AGBL5: variants seen among roughly 807,000 people sequenced by gnomAD.
The protein encoded by AGBL5 is cytosolic carboxypeptidase-like protein 5.
A neutral mutation model predicts 88.0 loss-of-function variants in AGBL5; 51 were observed. The observed-to-expected ratio is 0.58, with a 90% CI of 0.46 to 0.73. The LOEUF is 0.73. AGBL5 is among the 30% of genes least tolerant of loss of function. AGBL5 has a pLI of 0.00. For synonymous variants in AGBL5, 446 were observed against 438.8 expected, an observed-to-expected ratio of 1.02 and a Z score of -0.21; for missense variants, 1,031 against 1,162.2, an observed-to-expected ratio of 0.89 and a Z score of 1.64.
chr2:27,069,718 G>C lies in AGBL5; in HGVS notation c.2489+12G>C. ...TCTGCTACACCAGGGTGAGCACTTG[G>C]GTCCAGTCCCTCACACCACCCCTCA... On this transcript the variant is annotated intron_variant, in intron 14 of 14. Coordinates refer to ENST00000360131, the MANE Select transcript of AGBL5 (RefSeq NM_021831.6). The C allele has an allele frequency of 1.2e-6, 2 of 1,606,970 alleles. No individual in the cohort carries two copies. Among genetic ancestry groups the C allele is most frequent in the African/African-American group, 1.3e-5 (1 of 74,830 alleles).
intron 11 of AGBL5, among the ~76,000 whole-genome samples, chr2:27,065,751 G>A (rs1207025705): frequency 6.6e-6 from 1 of 152,188 alleles, no homozygotes; most frequent in African/African-American, 2.4e-5. Flanking sequence ...TAAGCTTCAA[G>A]TAAGAGAGGT....
chr2:27,052,799 C>T, intron 1 of AGBL5, 114 bp from the exon 2 acceptor site: 1 of 563,570 alleles, frequency 1.8e-6, no homozygotes, highest in Non-Finnish European at 2.9e-6. Context: ...GGGAGACAGC[C>T]TTTTGTTTCA....
At chr2:27,066,890 C>T (rs908065586) in intron 11 of AGBL5, among the ~76,000 whole-genome samples, 1 of 152,108 alleles carries the variant, frequency 6.6e-6, no homozygotes, top group African/African-American at 2.4e-5. Flanking sequence ...TGAGACCACC[C>T]TGACCAACAT....
Position 27,053,358 on chromosome 2 carries a change from A to G in AGBL5, c.216-44A>G. 6.3e-7 allele frequency: 1 copy of G among 1,598,860 alleles called. No homozygotes were observed. Among genetic ancestry groups the G allele is most frequent in the Non-Finnish European group, 8.5e-7 (1 of 1,171,146 alleles). On this transcript the variant is annotated intron_variant, in intron 2 of 14. Coordinates refer to ENST00000360131, the MANE Select transcript of AGBL5 (RefSeq NM_021831.6). The surrounding 1 kb of genome is among the most constrained non-coding windows in gnomAD (Gnocchi z 4.9). ...CGGCTCTCCCACAGACCATATCTCC[A>G]ACCCTTCCACACGTAATGACCTCTC...
chr2:27,059,609 G>A, intron 11 of AGBL5: 1 of 1,232,918 alleles, frequency 8.1e-7, no homozygotes, highest in Non-Finnish European at 1.1e-6. Context: ...GGCCAGAGGG[G>A]GAAGTCTGGG....
At chr2:27,056,849 A>G in intron 8 of AGBL5, 57 bp downstream of exon 8, 6 of 1,526,876 alleles carry the variant, frequency 3.9e-6, no homozygotes, top group Non-Finnish European at 5.3e-6. Context: ...AAAACACCGT[A>G]GCTGGGTGTG....
At position 27,054,621 on chromosome 2, in the gene AGBL5, T is replaced by C. The variant is rs541594007; in HGVS notation, c.552-9T>C. The C allele has an allele frequency of 3.1e-6, 5 of 1,608,036 alleles. No homozygotes were observed. In the Admixed American group the frequency reaches 5.1e-5, roughly 16 times the overall value. ...GACTTCTCCTGGCTTAATTTTTTTT[T>C]CCCTGTAGCCCCCTGGATACCATCT... On this transcript the variant is annotated splice_polypyrimidine_tract_variant and intron_variant, in intron 4 of 14. Coordinates refer to ENST00000360131, the MANE Select transcript of AGBL5 (RefSeq NM_021831.6).
chr2:27,051,202 T>C (rs542333604), upstream of AGBL5, among the ~76,000 whole-genome samples: 17 of 152,274 alleles, frequency 1.1e-4, no homozygotes, highest in South Asian at 1.9e-3. Context: ...GGGAAAGAAC[T>C]AAGCAGCAGG....
chr2:27,069,469 T>A, intron 13 of AGBL5, 104 bp from the exon 14 acceptor site: 1 of 1,538,808 alleles, frequency 6.5e-7, no homozygotes, highest in Non-Finnish European at 8.8e-7. Context: ...CCTCTACTGA[T>A]CCCTATACTA....
chr2:27,067,007 C>T (rs1044774345), intron 11 of AGBL5, among the ~76,000 whole-genome samples: 69 of 151,562 alleles, frequency 4.6e-4, no homozygotes, highest in African/African-American at 1.5e-3. Flanking sequence ...CGCTTGAACC[C>T]GGGAGGCGGA....
intron 9 of AGBL5, 55 bp downstream of exon 9, chr2:27,057,493 C>T: frequency 1.3e-6 from 2 of 1,534,986 alleles, no homozygotes; most frequent in Non-Finnish European, 1.8e-6. Context: ...TCTGGAAAGG[C>T]CTTCACTCTT....
intron 10 of AGBL5, 21 bp from the exon 11 acceptor site, chr2:27,059,169 C>G (rs1394063404): frequency 1.9e-6 from 3 of 1,608,108 alleles, no homozygotes; most frequent in African/African-American, 2.7e-5. Flanking sequence ...CCCGGGTTAA[C>G]TGGCATCTGC....
At position 27,053,136 on chromosome 2, in the gene AGBL5, C is replaced by T; in HGVS notation, c.178C>T (p.Pro60Ser). The T allele has an allele frequency of 6.2e-7, 1 of 1,608,072 alleles. No individual in the cohort carries two copies. Among genetic ancestry groups the T allele is most frequent in the South Asian group, 1.1e-5 (1 of 90,376 alleles). Residue 60 changes from proline to serine, a missense_variant, in exon 2 of 15, where the codon CCA (proline) becomes TCA (serine). Physicochemically the swap from Pro to Ser is moderately conservative, Grantham distance 74. This residue lies in a region of AGBL5 where 540 missense variants were observed against 678.2 expected (regional missense o/e 0.80). Coordinates refer to ENST00000360131, the MANE Select transcript of AGBL5 (RefSeq NM_021831.6). The surrounding 1 kb of genome is among the most constrained non-coding windows in gnomAD (Gnocchi z 4.9). ...PDYEFNVWTR[P>S]DCAETEFENG... The stretch of plus-strand genomic sequence containing the variant: ...CTATGAATTCAACGTGTGGACCCGA[C>T]CAGACTGTGCTGAAACGGAATTTGA...
chr2:27,053,330 C>T lies in AGBL5; in HGVS notation c.216-72C>T, dbSNP rs1668268487. 1.9e-6 allele frequency: 3 copies of T among 1,561,494 alleles called. No homozygotes were observed. Among genetic ancestry groups the T allele is most frequent in the South Asian group, 2.4e-5 (2 of 81,958 alleles). Reference sequence around the variant, plus strand: ...AATAGCCCTTTCCCAGTTTGGCTGGCTCCGGCTCTCCCACAGACCATATCT... The same window carrying T: ...AATAGCCCTTTCCCAGTTTGGCTGGTTCCGGCTCTCCCACAGACCATATCT... On this transcript the variant is annotated intron_variant, in intron 2 of 14. Transcript: ENST00000360131. This position sits in a 1 kb window ranked among gnomAD's most constrained non-coding sequence, Gnocchi z 4.9.
rs1668259449 is a variant in AGBL5 at position 27,053,141 on chromosome 2, C to T, written c.183C>T (p.Asp61=). 6.2e-6 allele frequency: 10 copies of T among 1,607,518 alleles called. No homozygotes were observed. The highest frequency in any genetic ancestry group is 8.5e-6 in the Non-Finnish European group (10 of 1,175,904). The change falls in exon 2 of 15, where the codon GAC becomes GAT. Residue 61 remains aspartate, a synonymous_variant. Transcript: ENST00000360131. This position sits in a 1 kb window ranked among gnomAD's most constrained non-coding sequence, Gnocchi z 4.9. ...AATTCAACGTGTGGACCCGACCAGA[C>T]TGTGCTGAAACGGAATTTGAGAATG... The part of the protein sequence containing the change: ...DYEFNVWTRP[D]CAETEFENGN...
intron 8 of AGBL5, 102 bp from the exon 9 acceptor site, chr2:27,057,201 T>A: frequency 1.5e-6 from 2 of 1,349,414 alleles, no homozygotes; most frequent in Non-Finnish European, 2.0e-6. Flanking sequence ...TGTGTTCACT[T>A]TTTTCCAAGT....
In AGBL5 at chr2:27,053,756, C is replaced by T. The variant is rs1668292230; in HGVS notation, c.388-140C>T. 7.2e-7 allele frequency: 1 copy of T among 1,396,936 alleles called. No homozygotes were observed. The highest frequency in any genetic ancestry group is 1.4e-5 in the South Asian group (1 of 69,884). 86.5% of individuals were successfully genotyped at this position (1,396,936 alleles called of 1,614,324 possible). On this transcript the variant is annotated intron_variant, in intron 3 of 14. Transcript: ENST00000360131. This position sits in a 1 kb window ranked among gnomAD's most constrained non-coding sequence, Gnocchi z 4.9. ...CTGCCTCAGGAAGCCTAGAAGGAGC[C>T]ACTTTTCATATAGAAAGTGTCACAG... is the stretch of plus-strand genomic sequence containing the variant.
intron 1 of AGBL5, 113 bp downstream of exon 1, chr2:27,051,906 C>T (rs988951904): frequency 6.6e-6 from 1 of 152,484 alleles, no homozygotes; most frequent in Non-Finnish European, 1.5e-5. Flanking sequence ...CACCCCGCAC[C>T]CCGCTCCCGA....
Position 27,055,666 on chromosome 2 carries a change from C to A in AGBL5, c.909-16C>A. The A allele has an allele frequency of 3.1e-6, 5 of 1,604,548 alleles. No individual in the cohort carries two copies. Among genetic ancestry groups the A allele is most frequent in the Non-Finnish European group, 3.4e-6 (4 of 1,173,602 alleles). On this transcript the variant is annotated splice_polypyrimidine_tract_variant and intron_variant, in intron 6 of 14. Transcript: ENST00000360131. ...CCAGTCCTCTAGAACCTGCTTCAGTCCTTGTTTTCCTACAGCACAGACTCA... is the reference window on the plus strand; with the variant it reads ...CCAGTCCTCTAGAACCTGCTTCAGTACTTGTTTTCCTACAGCACAGACTCA...
Sources: gnomAD v4.1 joint callset for allele counts (sites outside exome capture counted in the v4.1 genomes callset) on GRCh38, gnomAD v4.1.1 for gene constraint, gnomAD v4.1.1 regional missense constraint, Gnocchi (gnomAD v3.1) non-coding constraint, MANE v1.5 for transcripts, NCBI Gene and HGNC (gene_info 2026-07-23, HGNC 2026-07-21) for gene names.